Variants in DHX16 observed in about 807,000 individuals in gnomAD.
DHX16 encodes pre-mRNA-splicing factor ATP-dependent RNA helicase DHX16.
Under a neutral mutation model 131.2 loss-of-function variants are expected in DHX16, and 81 were observed. The observed-to-expected ratio is 0.62, with a 90% CI of 0.52 to 0.74. The LOEUF (loss-of-function observed/expected upper bound fraction) is 0.74, where lower values mean the gene tolerates loss of function less well. Among genes scored for constraint, DHX16 ranks in the 30% least tolerant of loss-of-function variants. The pLI, the probability that DHX16 is intolerant of heterozygous loss-of-function variation, is 0.00. For missense variants in DHX16, 980 were observed against 1,363.1 expected, an observed-to-expected ratio of 0.72 and a Z score of 4.43; for synonymous variants, 440 against 520.2, an observed-to-expected ratio of 0.85 and a Z score of 2.10.
chr6:30,661,475 G>A (rs2127585375), intron 9 of DHX16, among the ~76,000 whole-genome samples: 1 of 152,326 alleles, frequency 6.6e-6, no homozygotes, highest in African/African-American at 2.4e-5. Context: ...GACCTGAGCT[G>A]CTGTGATTCA....
At position 30,665,452 on chromosome 6, in the gene DHX16, G is replaced by A; in HGVS notation, c.921+27C>T. On this transcript the variant is annotated intron_variant, in intron 5 of 19. Transcript: ENST00000376442. This position sits in a 1 kb window ranked among gnomAD's most constrained non-coding sequence, Gnocchi z 4.8. The stretch of plus-strand genomic sequence containing the variant: ...CCCACAACTTGTCTTGGGGACCAAG[G>A]CTGAAGCAGACGCCGCTTCACCTCA... 1 of 1,604,856 alleles carries A rather than the reference G, an allele frequency of 6.2e-7. No individual in the cohort carries two copies. The highest frequency in any genetic ancestry group is 8.5e-7 in the Non-Finnish European group (1 of 1,174,654).
chr6:30,661,118 C>G (rs1184203966), intron 9 of DHX16, among the ~76,000 whole-genome samples: 1 of 144,834 alleles, frequency 6.9e-6, no homozygotes, highest in African/African-American at 2.6e-5. Context: ...CACTCTGTCG[C>G]CCAGGCTGGA....
intron 4 of DHX16, among the ~76,000 whole-genome samples, chr6:30,667,382 AC>A (rs2127592364): frequency 6.6e-6 from 1 of 152,240 alleles, no homozygotes. Context: ...GGAGATCGAG[AC>A]CATCCTGGCT....
chr6:30,653,811 G>A (rs1767693619), intron 19 of DHX16, among the ~76,000 whole-genome samples: 1 of 152,164 alleles, frequency 6.6e-6, no homozygotes, highest in Non-Finnish European at 1.5e-5. Context: ...TACCAAATAA[G>A]CTATTCCCAA....
Position 30,654,873 on chromosome 6 carries a change from T to C in DHX16, c.2830A>G (p.Thr944Ala), listed in dbSNP as rs1767821971. ...GDYIRVRKAI[T>A]AGYFYHTARL... Reference sequence around the variant, plus strand: ...GCCGTGTGGTAAAAGTAACCAGCAGTGATGGCCTAAGGAGCGGGCAGGAAA... The same window carrying C: ...GCCGTGTGGTAAAAGTAACCAGCAGCGATGGCCTAAGGAGCGGGCAGGAAA... Residue 944 changes from threonine (T) to alanine (A), a missense_variant, in exon 19 of 20, where the codon ACT becomes GCT. By Grantham distance (58) the Thr-to-Ala change is moderately conservative. Around this residue, in one of 3 missense-constraint regions of DHX16, gnomAD observed 214 missense variants for 271.2 expected, o/e 0.79. Coordinates refer to ENST00000376442, the MANE Select transcript of DHX16 (RefSeq NM_003587.5). 5 of 1,611,950 alleles carry C rather than the reference T, an allele frequency of 3.1e-6. No individual in the cohort carries two copies. Among genetic ancestry groups the C allele is most frequent in the Non-Finnish European group, 3.4e-6 (4 of 1,179,518 alleles).
chr6:30,662,012 A>C lies in DHX16; in HGVS notation c.1544+615T>G. On this transcript the variant is annotated intron_variant, in intron 9 of 19. Transcript: ENST00000376442. The surrounding 1 kb of genome is among the most constrained non-coding windows in gnomAD (Gnocchi z 4.7). ...GCCTGACCCCACCCCCATTACATTC[A>C]TGAATCCCTTTTCCCCCTCAACACA... 1.6e-6 allele frequency: 1 copy of C among 626,634 alleles called. No individual in the cohort carries two copies. Among genetic ancestry groups the C allele is most frequent in the Non-Finnish European group, 2.9e-6 (1 of 343,268 alleles). 38.8% of individuals were successfully genotyped at this position (626,634 alleles called of 1,614,324 possible).
intron 9 of DHX16, chr6:30,661,806 G>A (rs1422039209): frequency 1.1e-5 from 8 of 717,666 alleles, no homozygotes; most frequent in East Asian, 2.7e-5. Context: ...AGGCTGGCTC[G>A]ATGGGCAAAA....
Position 30,671,229 on chromosome 6 carries a change from G to A in DHX16, c.253C>T (p.Arg85Ter). The stretch of plus-strand genomic sequence containing the variant: ...TTCTCCAGCAGGGCCCGGGCCTCTC[G>A]CTCTGCTGCCCGAGCTGGCTTTTCT... ...VVEKPARAAE[R>*]EARALLEKNR... Residue 85 changes from arginine (R) to a stop codon, truncating the protein, a stop_gained, in exon 2 of 20, where the codon CGA (arginine) becomes TGA (stop). Coordinates refer to ENST00000376442, the MANE Select transcript of DHX16 (RefSeq NM_003587.5). LOFTEE classifies it high-confidence loss of function. The A allele has an allele frequency of 6.2e-7, 1 of 1,612,992 alleles. No homozygotes were observed. The highest frequency in any genetic ancestry group is 1.3e-5 in the African/African-American group (1 of 75,006).
At position 30,662,372 on chromosome 6, in the gene DHX16, T is replaced by C. The variant is rs1768591266; in HGVS notation, c.1544+255A>G. Among the ~76,000 whole-genome samples, 2 of 152,230 alleles carry C rather than the reference T, an allele frequency of 1.3e-5. No homozygotes were observed. Among genetic ancestry groups the C allele is most frequent in the African/African-American group, 4.8e-5 (2 of 41,466 alleles). On this transcript the variant is annotated intron_variant, in intron 9 of 19. Transcript: ENST00000376442. This position sits in a 1 kb window ranked among gnomAD's most constrained non-coding sequence, Gnocchi z 4.7. ...GCATTCCAAGTGTTTTCAAATGGTCTTCACACGGTATTTCAAGTCTCGGCA... is the reference window on the plus strand; with the variant it reads ...GCATTCCAAGTGTTTTCAAATGGTCCTCACACGGTATTTCAAGTCTCGGCA...
chr6:30,662,243 T>C lies in DHX16; in HGVS notation c.1544+384A>G, dbSNP rs1339253600. Among the ~76,000 whole-genome samples the C allele has an allele frequency of 6.6e-6, 1 of 152,200 alleles. No homozygotes were observed. Among genetic ancestry groups the C allele is most frequent in the East Asian group, 1.9e-4 (1 of 5,198 alleles). On this transcript the variant is annotated intron_variant, in intron 9 of 19. Coordinates refer to ENST00000376442, the MANE Select transcript of DHX16 (RefSeq NM_003587.5). The surrounding 1 kb of genome is among the most constrained non-coding windows in gnomAD (Gnocchi z 4.7). ...GTAACCTCCCCATGGCTCCTAGCTA[T>C]GTCGTGTAGGGTCACATAAAACAAT...
In DHX16 at chr6:30,670,783, T is replaced by C; in HGVS notation, c.609+7A>G. On this transcript the variant is annotated splice_region_variant and intron_variant, in intron 3 of 19. Coordinates refer to ENST00000376442, the MANE Select transcript of DHX16 (RefSeq NM_003587.5). The surrounding 1 kb of genome is among the most constrained non-coding windows in gnomAD (Gnocchi z 4.4). ...GGGGATTTACAGAACATGCTGCTCC[T>C]ATTCACCTTCTTGTCTGACCGTTCC... 6.2e-7 allele frequency: 1 copy of C among 1,612,910 alleles called. No individual in the cohort carries two copies. Among genetic ancestry groups the C allele is most frequent in the Non-Finnish European group, 8.5e-7 (1 of 1,180,016 alleles).
Position 30,662,530 on chromosome 6 carries a change from AACC to A in DHX16, c.1544+94_1544+96del. On this transcript the variant is annotated intron_variant, in intron 9 of 19. Coordinates refer to ENST00000376442, the MANE Select transcript of DHX16 (RefSeq NM_003587.5). The surrounding 1 kb of genome is among the most constrained non-coding windows in gnomAD (Gnocchi z 4.7). ...TGGAGGTCAGTTCAAGGACCATTTG[AACC>A]ACAAAGATTCAAGAACGGGTGGATT... 9.5e-7 allele frequency: 1 copy of A among 1,053,774 alleles called. No individual in the cohort carries two copies. Among genetic ancestry groups the A allele is most frequent in the Non-Finnish European group, 1.4e-6 (1 of 694,058 alleles). 65.3% of individuals were successfully genotyped at this position (1,053,774 alleles called of 1,614,324 possible).
intron 10 of DHX16, 26 bp downstream of exon 10, chr6:30,660,006 T>C (rs746191970): frequency 8.5e-5 from 137 of 1,609,648 alleles, no homozygotes; most frequent in Non-Finnish European, 1.2e-4. Context: ...GCCACAGACT[T>C]AAGCCCATCC....
In DHX16 at chr6:30,665,048, A is replaced by G; in HGVS notation, c.1125+23T>C. 2 of 1,613,838 alleles carry G rather than the reference A, an allele frequency of 1.2e-6. No individual in the cohort carries two copies. Among genetic ancestry groups the G allele is most frequent in the East Asian group, 2.2e-5 (1 of 44,872 alleles). On this transcript the variant is annotated intron_variant, in intron 6 of 19. Coordinates refer to ENST00000376442, the MANE Select transcript of DHX16 (RefSeq NM_003587.5). This position sits in a 1 kb window ranked among gnomAD's most constrained non-coding sequence, Gnocchi z 4.8. ...TAGCTCGCTACGGGTCTTCCTCAGA[A>G]AGTCTCCCAGCTCCCCTCTTACCTC...
At position 30,653,375 on chromosome 6, in the gene DHX16, G is replaced by A. The variant is rs371328692; in HGVS notation, c.2998-5C>T. The A allele has an allele frequency of 1.3e-6, 2 of 1,596,784 alleles. No individual in the cohort carries two copies. The highest frequency in any genetic ancestry group is 2.7e-5 in the African/African-American group (2 of 73,720). The stretch of plus-strand genomic sequence containing the variant: ...ACTGCTCTCAATCTCCAGTACCTAG[G>A]AGAGAGAAAAGATCAATGGAGTTCC... On this transcript the variant is annotated splice_polypyrimidine_tract_variant and splice_region_variant and intron_variant, in intron 19 of 19. Transcript: ENST00000376442.
intron 7 of DHX16, among the ~76,000 whole-genome samples, chr6:30,664,220 A>G (rs1206225779): frequency 4.0e-5 from 6 of 151,654 alleles, no homozygotes; most frequent in African/African-American, 1.5e-4. Flanking sequence ...ACAGTGGCTC[A>G]CACCTGTAAT....
rs1769411232 is a variant in DHX16 at position 30,670,317 on chromosome 6, T to C, written c.666+93A>G. The C allele has an allele frequency of 3.0e-6, 4 of 1,316,308 alleles. No homozygotes were observed. The highest frequency in any genetic ancestry group is 3.1e-6 in the Non-Finnish European group (3 of 956,338). The allele number at this position is 1,316,308 out of a possible 1,614,324, so 81.5% of individuals were successfully genotyped here. On this transcript the variant is annotated intron_variant, in intron 4 of 19. Coordinates refer to ENST00000376442, the MANE Select transcript of DHX16 (RefSeq NM_003587.5). The surrounding 1 kb of genome is among the most constrained non-coding windows in gnomAD (Gnocchi z 4.4). ...CTGACCACCCCATCAGCATCCACAC[T>C]GTGCTTCCTCTGTATCCTCTCTCCC...
At chr6:30,666,885 C>G (rs1424980225) in intron 4 of DHX16, among the ~76,000 whole-genome samples, 4 of 151,996 alleles carry the variant, frequency 2.6e-5, no homozygotes, top group Non-Finnish European at 5.9e-5. Context: ...CTTGTTTGTT[C>G]TGTAAAGACT....
At position 30,670,221 on chromosome 6, in the gene DHX16, A is replaced by G. The variant is rs2285321; in HGVS notation, c.666+189T>C. Among the ~76,000 whole-genome samples, 7,441 of 152,192 alleles carry G rather than the reference A, an allele frequency of 0.049. 370 individuals carry two copies. The highest frequency in any genetic ancestry group is 0.12 in the African/African-American group (4,882 of 41,504). On this transcript the variant is annotated intron_variant, in intron 4 of 19. Transcript: ENST00000376442. The surrounding 1 kb of genome is among the most constrained non-coding windows in gnomAD (Gnocchi z 4.4). ...GCCTCCTTCCCCCTACAACTTAAGA[A>G]GGATCCTTCCCTCAACAACATAAGT... is the stretch of plus-strand genomic sequence containing the variant.
Sources: allele counts gnomAD v4.1 joint callset (sites outside exome capture counted in the v4.1 genomes callset), GRCh38; gene constraint gnomAD v4.1.1; regional missense constraint gnomAD v4.1.1; non-coding constraint Gnocchi (gnomAD v3.1); transcripts MANE v1.5; gene names NCBI Gene and HGNC (gene_info 2026-07-23, HGNC 2026-07-21).